ANGPT1: variants seen among roughly 807,000 people sequenced by gnomAD.
The protein encoded by ANGPT1 is angiopoietin 1, also known as angiopoietin-1.
In ANGPT1, 17 loss-of-function variants were observed where a neutral mutation model predicts 62.2. The observed-to-expected ratio is 0.27, with a 90% CI of 0.19 to 0.41. The LOEUF (loss-of-function observed/expected upper bound fraction) is 0.41, where lower values mean the gene tolerates loss of function less well. Ranked by LOEUF, ANGPT1 falls within the 10% of genes least tolerant of loss-of-function variation. ANGPT1 has a pLI of 1.00. For synonymous variants in ANGPT1, 199 were observed against 198.9 expected, an observed-to-expected ratio of 1.00 and a Z score of 0.00; for missense variants, 478 against 594.9, an observed-to-expected ratio of 0.80 and a Z score of 2.04.
intron 1 of ANGPT1, among the ~76,000 whole-genome samples, chr8:107,406,902 A>T (rs1260969527): frequency 6.8e-6 from 1 of 147,236 alleles, no homozygotes; most frequent in Non-Finnish European, 1.5e-5. Context: ...AAAAAAAAGC[A>T]ATTCTACATA....
At chr8:107,330,245 C>A (rs774053281) in intron 3 of ANGPT1, among the ~76,000 whole-genome samples, 7 of 152,090 alleles carry the variant, frequency 4.6e-5, no homozygotes, top group Non-Finnish European at 7.4e-5. Context: ...TCATACAGTA[C>A]AATTATTGTC....
Position 107,479,106 on chromosome 8 carries a change from T to G in ANGPT1, c.297+18156A>C, listed in dbSNP as rs1812610550. On this transcript the variant is annotated intron_variant, in intron 1 of 8. Coordinates refer to ENST00000517746, the MANE Select transcript of ANGPT1 (RefSeq NM_001146.5). ...TGTGGGAGCTTGTATGTGATTTCCT[T>G]ATTCAAAGATTGTGGGTAATGTTTA... 2.0e-5 allele frequency among the ~76,000 whole-genome samples: 3 copies of G among 151,712 alleles called. No individual in the cohort carries two copies. In the Admixed American group the frequency reaches 2.0e-4, roughly 10 times the overall value.
At chr8:107,285,654 G>A (rs1814121944) in intron 6 of ANGPT1, among the ~76,000 whole-genome samples, 1 of 151,938 alleles carries the variant, frequency 6.6e-6, no homozygotes, top group Non-Finnish European at 1.5e-5. Context: ...TCTTTGTAGG[G>A]AGAAAAAAGT....
intron 1 of ANGPT1, among the ~76,000 whole-genome samples, chr8:107,385,535 G>T (rs10108418): frequency 0.31 from 46,453 of 152,000 alleles, 8,694 homozygotes; most frequent in Middle Eastern, 0.46. Flanking sequence ...TTTGGGCAGA[G>T]ATTATGGGGT....
chr8:107,437,375 T>C (rs1314636555), intron 1 of ANGPT1, among the ~76,000 whole-genome samples: 3 of 152,184 alleles, frequency 2.0e-5, no homozygotes, highest in African/African-American at 7.2e-5. Flanking sequence ...ACTAACTACC[T>C]TGAAATTAAG....
At chr8:107,387,596 G>A (rs569802492) in intron 1 of ANGPT1, among the ~76,000 whole-genome samples, 4 of 151,804 alleles carry the variant, frequency 2.6e-5, no homozygotes, top group African/African-American at 4.8e-5. Flanking sequence ...TAGTACGATC[G>A]TACTATTTAT....
At chr8:107,440,038 C>A (rs1811433878) in intron 1 of ANGPT1, among the ~76,000 whole-genome samples, 3 of 152,128 alleles carry the variant, frequency 2.0e-5, no homozygotes, top group Admixed American at 2.0e-4. Flanking sequence ...ATCATAATTC[C>A]CTTTTCTTCC....
intron 1 of ANGPT1, among the ~76,000 whole-genome samples, chr8:107,394,464 A>T (rs538995413): frequency 1.3e-5 from 2 of 152,264 alleles, no homozygotes; most frequent in South Asian, 4.1e-4. Context: ...AATAGCCCTG[A>T]TGGTACCTAC....
At chr8:107,412,466 GA>G (rs1005058067) in intron 1 of ANGPT1, among the ~76,000 whole-genome samples, 2 of 143,248 alleles carry the variant, frequency 1.4e-5, no homozygotes, top group East Asian at 2.0e-4. Flanking sequence ...AATTCCTCAG[GA>G]AAAAAAAACA....
intron 1 of ANGPT1, among the ~76,000 whole-genome samples, chr8:107,473,304 T>C (rs1812412647): frequency 6.6e-6 from 1 of 152,050 alleles, no homozygotes; most frequent in Admixed American, 6.6e-5. Flanking sequence ...AATCAGGAAT[T>C]TCTTTTTCCT....
intron 1 of ANGPT1, among the ~76,000 whole-genome samples, chr8:107,445,210 A>G (rs1421836970): frequency 6.6e-6 from 1 of 152,222 alleles, no homozygotes; most frequent in Non-Finnish European, 1.5e-5. Context: ...TCTTGCCACT[A>G]GATTATAACA....
At position 107,305,509 on chromosome 8, in the gene ANGPT1, T is replaced by C. The variant is rs1183998124; in HGVS notation, c.809-2142A>G. Among the ~76,000 whole-genome samples, 6 of 151,974 alleles carry C rather than the reference T, an allele frequency of 3.9e-5. No homozygotes were observed. In the East Asian group the frequency reaches 1.2e-3, roughly 29 times the overall value. On this transcript the variant is annotated intron_variant, in intron 4 of 8. Coordinates refer to ENST00000517746, the MANE Select transcript of ANGPT1 (RefSeq NM_001146.5). ...GAAGAGGAAGCTATTTCACACACAT[T>C]TTTAGTAACCGAGAAAAAAGGAAAA...
chr8:107,459,663 G>A (rs186477714), intron 1 of ANGPT1, among the ~76,000 whole-genome samples: 3 of 152,120 alleles, frequency 2.0e-5, no homozygotes, highest in African/African-American at 4.8e-5. Flanking sequence ...CTTTATATTC[G>A]CCAATATAAG....
intron 1 of ANGPT1, among the ~76,000 whole-genome samples, chr8:107,443,526 C>T (rs1346543467): frequency 4.0e-5 from 6 of 151,556 alleles, no homozygotes; most frequent in African/African-American, 9.7e-5. Context: ...ACTAGTATAC[C>T]GGCCGGGTGC....
intron 4 of ANGPT1, among the ~76,000 whole-genome samples, chr8:107,319,178 CT>C (rs2130052119): frequency 6.6e-6 from 1 of 152,292 alleles, no homozygotes; most frequent in South Asian, 2.1e-4. Context: ...TAATGTAATT[CT>C]TTCCCTATTG....
intron 2 of ANGPT1, among the ~76,000 whole-genome samples, chr8:107,340,520 G>A (rs1244145304): frequency 6.6e-6 from 1 of 152,042 alleles, no homozygotes; most frequent in African/African-American, 2.4e-5. Context: ...AATGCTAAAA[G>A]TCAGAGATTG....
chr8:107,253,783 C>T (rs572352831), intron 8 of ANGPT1, among the ~76,000 whole-genome samples: 1 of 152,274 alleles, frequency 6.6e-6, no homozygotes, highest in South Asian at 2.1e-4. Context: ...AGGATACGCT[C>T]ATTGGGAAAC....
At chr8:107,270,983 C>A (rs1292204381) in intron 7 of ANGPT1, among the ~76,000 whole-genome samples, 1 of 151,842 alleles carries the variant, frequency 6.6e-6, no homozygotes, top group Admixed American at 6.6e-5. Flanking sequence ...ACAGATCAAG[C>A]AGATACAGGT....
intron 1 of ANGPT1, among the ~76,000 whole-genome samples, chr8:107,473,681 A>C (rs1488160146): frequency 6.6e-6 from 1 of 152,112 alleles, no homozygotes; most frequent in Non-Finnish European, 1.5e-5. Flanking sequence ...TTAGGTAAAT[A>C]TGTATGTAAC....
Sources: allele counts gnomAD v4.1 joint callset (sites outside exome capture counted in the v4.1 genomes callset), GRCh38; gene constraint gnomAD v4.1.1; transcripts MANE v1.5; gene names NCBI Gene and HGNC (gene_info 2026-07-23, HGNC 2026-07-21).